Variants in ATP1A4 observed in about 807,000 individuals in gnomAD.
ATP1A4 encodes the protein sodium/potassium-transporting ATPase subunit alpha-4.
A neutral mutation model predicts 114.3 loss-of-function variants in ATP1A4; 90 were observed. That is an observed-to-expected ratio of 0.79 (90% confidence interval 0.66 to 0.94). The LOEUF (loss-of-function observed/expected upper bound fraction) is 0.94. ATP1A4 is among the 40% of genes least tolerant of loss of function. The pLI is 0.00. For missense variants in ATP1A4, 1,222 were observed against 1,313.6 expected (o/e 0.93, Z 1.08); for synonymous variants, 511 against 494.1 (o/e 1.03, Z -0.45).
intron 2 of ATP1A4, among the ~76,000 whole-genome samples, chr1:160,154,492 T>G (rs1335661702): frequency 2.0e-5 from 3 of 152,158 alleles, no homozygotes; most frequent in Non-Finnish European, 4.4e-5. Context: ...CCTCAAACAT[T>G]TATCATTTCT....
chr1:160,171,455 G>A lies in ATP1A4; in HGVS notation c.1681+15G>A. ...ACGTGTGCTAGGTGAGGAGCTTTGG[G>A]AGAAGTTTTTAAAAGAATGGCATCA... On this transcript the variant is annotated intron_variant, in intron 11 of 21. Coordinates refer to ENST00000368081, the MANE Select transcript of ATP1A4 (RefSeq NM_144699.4). 6.2e-7 allele frequency: 1 copy of A among 1,611,126 alleles called. No homozygotes were observed. Among genetic ancestry groups the A allele is most frequent in the East Asian group, 2.2e-5 (1 of 44,824 alleles).
intron 20 of ATP1A4, among the ~76,000 whole-genome samples, chr1:160,186,052 A>G (rs992111054): frequency 7.9e-5 from 11 of 139,234 alleles, no homozygotes; most frequent in African/African-American, 2.8e-4. Context: ...CCGAGATTGC[A>G]CTCCAGCCTG....
chr1:160,176,564 T>G lies in ATP1A4; in HGVS notation c.2552T>G (p.Val851Gly). Residue 851 changes from valine (V) to glycine (G), a missense_variant, in exon 17 of 22, where the codon GTG (valine) becomes GGG (glycine). Val to Gly is a moderately radical substitution (Grantham distance 109). Transcript: ENST00000368081. ...LPRNPKTDNL[V>G]NHRLIGMAYG... Reference sequence around the variant, plus strand: ...AGGAACCCAAAGACGGATAATCTGGTGAACCACCGTCTCATTGGCATGGCC... The same window carrying G: ...AGGAACCCAAAGACGGATAATCTGGGGAACCACCGTCTCATTGGCATGGCC... 1 of 1,614,118 alleles carries G rather than the reference T, an allele frequency of 6.2e-7. No homozygotes were observed. The highest frequency in any genetic ancestry group is 8.5e-7 in the Non-Finnish European group (1 of 1,180,002).
intron 6 of ATP1A4, among the ~76,000 whole-genome samples, chr1:160,163,875 G>A (rs150352361): frequency 2.6e-5 from 4 of 152,092 alleles, no homozygotes; most frequent in African/African-American, 9.6e-5. Context: ...CCCACCAAGA[G>A]TCACCTCATT....
intron 12 of ATP1A4, among the ~76,000 whole-genome samples, chr1:160,172,401 C>T (rs1159199465): frequency 2.0e-5 from 3 of 152,036 alleles, no homozygotes; most frequent in African/African-American, 7.3e-5. Context: ...GAGCAGCTGC[C>T]CTAAGAGGTA....
intron 2 of ATP1A4, among the ~76,000 whole-genome samples, chr1:160,154,642 T>A (rs1166282685): frequency 6.6e-6 from 1 of 152,224 alleles, no homozygotes; most frequent in African/African-American, 2.4e-5. Context: ...GGTGTTAATA[T>A]GTTATCAACA....
intron 4 of ATP1A4, among the ~76,000 whole-genome samples, chr1:160,157,595 G>C (rs1286323250): frequency 1.3e-5 from 2 of 152,176 alleles, no homozygotes; most frequent in Non-Finnish European, 2.9e-5. Flanking sequence ...TACTGAAATT[G>C]ATAACTACAT....
At chr1:160,168,912 T>C (rs926237053) in intron 10 of ATP1A4, among the ~76,000 whole-genome samples, 5 of 152,222 alleles carry the variant, frequency 3.3e-5, no homozygotes, top group Admixed American at 6.5e-5. Flanking sequence ...GACGGCAGCA[T>C]AGCCTTTAAC....
At position 160,176,217 on chromosome 1, in the gene ATP1A4, ATCC is replaced by A. The variant is rs1653458937; in HGVS notation, c.2440_2442del (p.Leu814del). ...ACCCCTGCCTCTGGGAACCATAACC[ATCC>A]TCTGCATTGATCTCGGCACTGACAT... On this transcript the variant is annotated inframe_deletion, in exon 16 of 22. Coordinates refer to ENST00000368081, the MANE Select transcript of ATP1A4 (RefSeq NM_144699.4). The A allele has an allele frequency of 3.1e-6, 5 of 1,613,892 alleles. No individual in the cohort carries two copies. The Admixed American group carries it at 8.3e-5, about 27-fold the overall frequency.
intron 10 of ATP1A4, chr1:160,170,327 G>A: frequency 6.6e-6 from 1 of 152,398 alleles, no homozygotes; most frequent in Non-Finnish European, 1.5e-5. Context: ...TCGGGAGGCT[G>A]AAGCAGGAGA....
At chr1:160,171,202 T>C (rs779679164) in intron 10 of ATP1A4, 49 bp from the exon 11 acceptor site, 4 of 1,525,224 alleles carry the variant, frequency 2.6e-6, no homozygotes, top group Admixed American at 3.9e-5. Context: ...TTGCCCCTGA[T>C]CCTTGGTCTC....
In ATP1A4 at chr1:160,164,363, T is replaced by C; in HGVS notation, c.986T>C (p.Ile329Thr). 4 of 1,614,186 alleles carry C rather than the reference T, an allele frequency of 2.5e-6. No individual in the cohort carries two copies. The highest frequency in any genetic ancestry group is 3.4e-6 in the Non-Finnish European group (4 of 1,180,024). ...TTGGGCTATGGTTGGCTGGAGGCTA[T>C]CATTTTTCTCATTGGCATCATTGTG... ...LLLGYGWLEA[I>T]IFLIGIIVAN... Residue 329 changes from isoleucine to threonine, a missense_variant, in exon 7 of 22, where the codon ATC becomes ACC. Physicochemically the swap from Ile to Thr is moderately conservative, Grantham distance 89 (BLOSUM62 -1). Transcript: ENST00000368081.
intron 6 of ATP1A4, among the ~76,000 whole-genome samples, chr1:160,160,082 G>A (rs1227330844): frequency 6.6e-6 from 1 of 152,108 alleles, no homozygotes. Context: ...TAATAAAAAG[G>A]GACTGAACAT....
In ATP1A4 at chr1:160,166,732, T is replaced by C; in HGVS notation, c.1246+6T>C. 1 of 1,614,124 alleles carries C rather than the reference T, an allele frequency of 6.2e-7. No homozygotes were observed. Among genetic ancestry groups the C allele is most frequent in the South Asian group, 1.1e-5 (1 of 91,080 alleles). On this transcript the variant is annotated splice_donor_region_variant and intron_variant, in intron 8 of 21. Coordinates refer to ENST00000368081, the MANE Select transcript of ATP1A4 (RefSeq NM_144699.4). Reference sequence around the variant, plus strand: ...CACCACTGAAGAACAGACTGGTGACTAGTGGTATTGGTGGAACAAGAGTGG... The same window carrying C: ...CACCACTGAAGAACAGACTGGTGACCAGTGGTATTGGTGGAACAAGAGTGG...
At chr1:160,164,508 A>T (rs1458251614) in intron 7 of ATP1A4, 84 bp downstream of exon 7, 1 of 1,465,118 alleles carries the variant, frequency 6.8e-7, no homozygotes, top group Admixed American at 1.9e-5. Context: ...TTTGTTGTTG[A>T]ACCTTTCAAG....
intron 7 of ATP1A4, among the ~76,000 whole-genome samples, chr1:160,166,293 A>AT (rs1285278394): frequency 6.6e-6 from 1 of 152,000 alleles, no homozygotes; most frequent in South Asian, 2.1e-4. Context: ...AGAAAAAGAC[A>AT]TTTTTTTTAA....
In ATP1A4 at chr1:160,156,157, A is replaced by G; in HGVS notation, c.524A>G (p.Gln175Arg). The G allele has an allele frequency of 1.9e-6, 3 of 1,601,266 alleles. No homozygotes were observed. The highest frequency in any genetic ancestry group is 2.6e-6 in the Non-Finnish European group (3 of 1,168,324). The change falls in exon 4 of 22, where the codon CAG becomes CGG. Residue 175 changes from glutamine (Q) to arginine (R), a missense_variant and splice_region_variant. Transcript: ENST00000368081. ...GAGTCTTTTAAGAACATGGTGCCTC[A>G]GGTAGGATTGGAGTGGGAGGATCTA... ...IMESFKNMVP[Q>R]QALVIRGGEK...
rs1390139484 is a variant in ATP1A4 at position 160,174,598 on chromosome 1, C to G, written c.2162C>G (p.Thr721Arg). Reference protein sequence around the residue: ...CQRLGAVVAVTGDGVNDSPAL... With the variant: ...CQRLGAVVAVRGDGVNDSPAL... ...CCTCAGGGAGCCGTTGTGGCCGTGA[C>G]AGGTGACGGGGTGAACGACTCCCCT... Residue 721 changes from threonine (T) to arginine (R), a missense_variant, in exon 15 of 22, where the codon ACA becomes AGA. Thr to Arg is a moderately conservative substitution (Grantham distance 71). Transcript: ENST00000368081. 6.2e-7 allele frequency: 1 copy of G among 1,613,870 alleles called. No individual in the cohort carries two copies. The highest frequency in any genetic ancestry group is 8.5e-7 in the Non-Finnish European group (1 of 1,179,888).
chr1:160,160,401 G>C (rs530504306), intron 6 of ATP1A4, among the ~76,000 whole-genome samples: 7 of 152,076 alleles, frequency 4.6e-5, no homozygotes, highest in Non-Finnish European at 7.4e-5. Flanking sequence ...ATTTTTAGTA[G>C]AGATGGGTTT....
Sources: gnomAD v4.1 joint callset for allele counts (sites outside exome capture counted in the v4.1 genomes callset) on GRCh38, gnomAD v4.1.1 for gene constraint, MANE v1.5 for transcripts, NCBI Gene and HGNC (gene_info 2026-07-23, HGNC 2026-07-21) for gene names.